CDKAL1: variants seen among roughly 807,000 people sequenced by gnomAD.
The protein encoded by CDKAL1 is CDKAL1 threonylcarbamoyladenosine tRNA methylthiotransferase, also known as threonylcarbamoyladenosine tRNA methylthiotransferase.
CDKAL1 carries 32 observed loss-of-function variants against 68.2 expected under a neutral mutation model. That is an observed-to-expected ratio of 0.47 (90% CI 0.35 to 0.63). The LOEUF (loss-of-function observed/expected upper bound fraction) is 0.63. Among genes scored for constraint, CDKAL1 ranks in the 30% least tolerant of loss-of-function variants. The pLI is 0.00. For missense variants in CDKAL1, 606 were observed against 696.7 expected (o/e 0.87, Z 1.47); for synonymous variants, 234 against 244.3 (o/e 0.96, Z 0.39).
chr6:20,998,083 C>G (rs1014442376), intron 10 of CDKAL1, among the ~76,000 whole-genome samples: 2 of 152,110 alleles, frequency 1.3e-5, no homozygotes, highest in African/African-American at 4.8e-5. Context: ...TATTACATGT[C>G]AAGATGTCAT....
chr6:20,982,677 T>G (rs2150777180), intron 10 of CDKAL1, among the ~76,000 whole-genome samples: 1 of 151,574 alleles, frequency 6.6e-6, no homozygotes, highest in Middle Eastern at 3.4e-3. Context: ...TGCTTCTGTA[T>G]CAAATGACTT....
chr6:20,839,054 G>A (rs1778072341), intron 8 of CDKAL1, among the ~76,000 whole-genome samples: 1 of 150,656 alleles, frequency 6.6e-6, no homozygotes, highest in Non-Finnish European at 1.5e-5. Flanking sequence ...TGTGTCAATT[G>A]ACATATTAGC....
chr6:20,877,948 T>C (rs1013559188), intron 9 of CDKAL1, among the ~76,000 whole-genome samples: 6 of 152,190 alleles, frequency 3.9e-5, no homozygotes, highest in Non-Finnish European at 5.9e-5. Flanking sequence ...CTTTTCCGTA[T>C]GTGTCTCAAG....
At chr6:20,600,602 G>GT (rs961562751) in intron 4 of CDKAL1, among the ~76,000 whole-genome samples, 4 of 151,046 alleles carry the variant, frequency 2.6e-5, no homozygotes, top group East Asian at 1.9e-4. Flanking sequence ...CTATTAAAAT[G>GT]TTTTTTTTAA....
intron 4 of CDKAL1, among the ~76,000 whole-genome samples, chr6:20,635,321 G>A (rs1205861866): frequency 6.6e-6 from 1 of 152,092 alleles, no homozygotes; most frequent in African/African-American, 2.4e-5. Context: ...TCATTCCTGT[G>A]GCTTCAGCTG....
chr6:20,728,319 A>G lies in CDKAL1; in HGVS notation c.372-11200A>G, dbSNP rs1046222025. ...AATAAATATTCATTAATGAATTTCA[A>G]AAATCATATATAAAAGGAAGTTGTT... On this transcript the variant is annotated intron_variant, in intron 5 of 15. Coordinates refer to ENST00000274695, the MANE Select transcript of CDKAL1 (RefSeq NM_017774.3). Among the ~76,000 whole-genome samples, 11 of 152,208 alleles carry G rather than the reference A, an allele frequency of 7.2e-5. 1 individual carries two copies. The South Asian group carries it at 8.3e-4, about 11-fold the overall frequency.
In CDKAL1 at chr6:20,540,495, G is replaced by A. The variant is rs190657135; in HGVS notation, c.-6+5101G>A. On this transcript the variant is annotated intron_variant, in intron 2 of 15. Transcript: ENST00000274695. The stretch of plus-strand genomic sequence containing the variant: ...TTGGGATGGTGCTTCGCCCTTTGTC[G>A]CCCAGGCTGGAGTGCAGTGGTGCAA... 2.2e-3 allele frequency among the ~76,000 whole-genome samples: 338 copies of A among 150,498 alleles called. 1 individual carries two copies. The highest frequency in any genetic ancestry group is 5.2e-3 in the Admixed American group (79 of 15,084).
chr6:20,661,595 A>AT (rs1193559112), intron 5 of CDKAL1, among the ~76,000 whole-genome samples: 1 of 35,696 alleles, frequency 2.8e-5, no homozygotes, highest in Non-Finnish European at 6.1e-5. Context: ...CCTGGTTTAC[A>AT]TAAAAAAAAA....
intron 5 of CDKAL1, among the ~76,000 whole-genome samples, chr6:20,683,573 G>T (rs990583472): frequency 1.8e-4 from 28 of 152,206 alleles, no homozygotes; most frequent in African/African-American, 6.0e-4. Context: ...TTTAGAGCAG[G>T]TTTAGATTCA....
At chr6:21,087,989 C>T (rs1329648974) in intron 12 of CDKAL1, among the ~76,000 whole-genome samples, 1 of 152,032 alleles carries the variant, frequency 6.6e-6, no homozygotes, top group Non-Finnish European at 1.5e-5. Context: ...GGGACAGGGC[C>T]ATGGGTTGTT....
chr6:21,138,190 A>G (rs1362060873), intron 13 of CDKAL1, among the ~76,000 whole-genome samples: 1 of 152,102 alleles, frequency 6.6e-6, no homozygotes, highest in Non-Finnish European at 1.5e-5. Context: ...AATAAATTCA[A>G]TGACTCAGCC....
chr6:20,781,259 A>G lies in CDKAL1; in HGVS notation c.632A>G (p.Asn211Ser), dbSNP rs752349153. Residue 211 changes from asparagine to serine, a missense_variant, in exon 8 of 16, where the codon AAT (asparagine) becomes AGT (serine). By Grantham distance (46) the Asn-to-Ser change is conservative. Coordinates refer to ENST00000274695, the MANE Select transcript of CDKAL1 (RefSeq NM_017774.3). Reference sequence around the variant, plus strand: ...CCACTGATAGAAATCATTTCCATCAATACCGGGTAAGCATCTCTCAAACTT... The same window carrying G: ...CCACTGATAGAAATCATTTCCATCAGTACCGGGTAAGCATCTCTCAAACTT... ...KNPLIEIISI[N>S]TGCLNACTYC... The G allele has an allele frequency of 5.0e-6, 8 of 1,611,548 alleles. No homozygotes were observed. In the Admixed American group the frequency reaches 6.7e-5, roughly 14 times the overall value.
intron 9 of CDKAL1, among the ~76,000 whole-genome samples, chr6:20,905,595 C>T (rs944888854): frequency 1.3e-5 from 2 of 152,116 alleles, no homozygotes; most frequent in South Asian, 2.1e-4. Context: ...AGAAGCCCAA[C>T]GAACTCTGAG....
chr6:20,988,472 A>G (rs770298170), intron 10 of CDKAL1, among the ~76,000 whole-genome samples: 19 of 152,132 alleles, frequency 1.2e-4, no homozygotes, highest in African/African-American at 3.9e-4. Flanking sequence ...GTTGTATAGT[A>G]AAATCGCCTC....
At chr6:20,692,145 C>T (rs1022953712) in intron 5 of CDKAL1, among the ~76,000 whole-genome samples, 25 of 152,048 alleles carry the variant, frequency 1.6e-4, no homozygotes, top group Non-Finnish European at 2.5e-4. Context: ...TGTTTTTCTC[C>T]CCCCTCTGAG....
At chr6:21,055,367 T>C (rs933103534) in intron 11 of CDKAL1, among the ~76,000 whole-genome samples, 4 of 152,184 alleles carry the variant, frequency 2.6e-5, no homozygotes, top group Non-Finnish European at 5.9e-5. Context: ...CTTTTTTTGT[T>C]TGTTTTTTCT....
chr6:20,561,784 C>T (rs1356858114), intron 4 of CDKAL1, among the ~76,000 whole-genome samples: 1 of 151,994 alleles, frequency 6.6e-6, no homozygotes, highest in African/African-American at 2.4e-5. Context: ...TAATTTTATT[C>T]TTTTTATCTT....
chr6:20,581,294 T>C (rs1355124738), intron 4 of CDKAL1, among the ~76,000 whole-genome samples: 3 of 152,160 alleles, frequency 2.0e-5, no homozygotes, highest in Non-Finnish European at 1.5e-5. Flanking sequence ...AGAAGTCTTA[T>C]AATGCTTTCA....
chr6:20,866,569 A>T (rs1327094404), intron 9 of CDKAL1, among the ~76,000 whole-genome samples: 2 of 152,174 alleles, frequency 1.3e-5, no homozygotes, highest in African/African-American at 4.8e-5. Flanking sequence ...TAACTCCTCA[A>T]ATATTCACAC....
Sources: gnomAD v4.1 joint callset for allele counts (sites outside exome capture counted in the v4.1 genomes callset) on GRCh38, gnomAD v4.1.1 for gene constraint, MANE v1.5 for transcripts, NCBI Gene and HGNC (gene_info 2026-07-23, HGNC 2026-07-21) for gene names.